PHC1: variants seen among roughly 807,000 people sequenced by gnomAD.
PHC1 encodes polyhomeotic homolog 1.
PHC1 carries 12 observed loss-of-function variants against 104.3 expected under a neutral mutation model. The observed-to-expected ratio is 0.12, with a 90% CI of 0.07 to 0.19. PHC1 has a LOEUF of 0.19. PHC1 is among the 10% of genes least tolerant of loss of function. The pLI is 1.00. For synonymous variants in PHC1, 302 were observed against 455.8 expected, an observed-to-expected ratio of 0.66 and a Z score of 4.30; for missense variants, 671 against 1,200.0, an observed-to-expected ratio of 0.56 and a Z score of 6.51.
chr12:8,937,370 T>G, intron 13 of PHC1, 44 bp downstream of exon 13: 5 of 1,517,484 alleles, frequency 3.3e-6, no homozygotes, highest in Non-Finnish European at 4.4e-6. Flanking sequence ...AACTGGGTCT[T>G]TTTTTCTTTC....
intron 5 of PHC1, among the ~76,000 whole-genome samples, chr12:8,922,385 T>A (rs1945390190): frequency 6.6e-6 from 1 of 152,240 alleles, no homozygotes. Context: ...TCTAAAATCC[T>A]AATTTTCTCT....
intron 1 of PHC1, among the ~76,000 whole-genome samples, chr12:8,916,942 G>A (rs977333396): frequency 1.3e-5 from 2 of 152,166 alleles, no homozygotes; most frequent in African/African-American, 4.8e-5. Context: ...CCCACTGAAT[G>A]TGTCTGTATC....
chr12:8,914,461 G>T (rs1006552150), upstream of PHC1: 8 of 148,968 alleles, frequency 5.4e-5, no homozygotes, highest in Non-Finnish European at 9.0e-5. Flanking sequence ...GGACGGCGGG[G>T]GGGGGGTCCG....
chr12:8,935,259 T>A, intron 11 of PHC1, 21 bp downstream of exon 11: 1 of 1,309,208 alleles, frequency 7.6e-7, no homozygotes, highest in Non-Finnish European at 1.1e-6. Context: ...ATTTAGAGAC[T>A]CATTTGGGGG....
intron 10 of PHC1, 49 bp from the exon 11 acceptor site, chr12:8,935,075 A>G (rs1184456838): frequency 1.1e-6 from 1 of 919,490 alleles, no homozygotes. Context: ...AGCTATAGAG[A>G]AGCAGAAGGG....
chr12:8,934,080 A>G, intron 9 of PHC1, 68 bp downstream of exon 9: 1 of 1,560,992 alleles, frequency 6.4e-7, no homozygotes, highest in Non-Finnish European at 8.8e-7. Flanking sequence ...GTGAGCTAAA[A>G]GATAAAACTG....
intron 2 of PHC1, among the ~76,000 whole-genome samples, chr12:8,918,707 T>C (rs766696865): frequency 4.6e-5 from 7 of 152,352 alleles, no homozygotes; most frequent in Non-Finnish European, 8.8e-5. Flanking sequence ...ATGGCATGTA[T>C]TTCCAGCTCC....
At chr12:8,922,841 T>A in intron 6 of PHC1, 53 bp downstream of exon 6, 3 of 1,541,520 alleles carry the variant, frequency 1.9e-6, no homozygotes, top group Non-Finnish European at 2.7e-6. Flanking sequence ...ATGAAGGGAA[T>A]GACCACGGAC....
In PHC1 at chr12:8,923,106, T is replaced by C. The variant is rs1394744567; in HGVS notation, c.612+318T>C. Among the ~76,000 whole-genome samples the C allele has an allele frequency of 2.6e-5, 4 of 152,344 alleles. No homozygotes were observed. In the East Asian group the frequency reaches 7.7e-4, roughly 29 times the overall value. On this transcript the variant is annotated intron_variant, in intron 6 of 14. Coordinates refer to ENST00000544916, the MANE Select transcript of PHC1 (RefSeq NM_004426.3). ...TATTCGGAGAGTCTTAATTCTCTCA[T>C]AGTACTGTCAGAAGAGAAGAGATTG...
chr12:8,916,618 A>G (rs1945209313), intron 1 of PHC1, among the ~76,000 whole-genome samples: 1 of 152,024 alleles, frequency 6.6e-6, no homozygotes, highest in South Asian at 2.1e-4. Flanking sequence ...GTGTTTTCAT[A>G]TGTGTCTTTT....
chr12:8,933,947 T>C lies in PHC1; in HGVS notation c.1976T>C (p.Leu659Pro). 4 of 1,613,768 alleles carry C rather than the reference T, an allele frequency of 2.5e-6. No individual in the cohort carries two copies. The highest frequency in any genetic ancestry group is 3.4e-6 in the Non-Finnish European group (4 of 1,179,610). ...RDDVSTLGSM[L>P]PAKASPVAES... is the part of the protein sequence containing the mutation. ...GATGTCTCCACATTGGGTTCAATGC[T>C]TCCTGCCAAGGCATCTCCAGTAGCA... is the stretch of plus-strand genomic sequence containing the variant. Residue 659 changes from leucine (L) to proline (P), a missense_variant, in exon 9 of 15, where the codon CTT becomes CCT. This residue lies in a region of PHC1 where 95 missense variants were observed against 108.8 expected (regional missense o/e 0.87). Coordinates refer to ENST00000544916, the MANE Select transcript of PHC1 (RefSeq NM_004426.3).
intron 9 of PHC1, 64 bp downstream of exon 9, chr12:8,934,076 T>C (rs572445342): frequency 1.0e-4 from 163 of 1,567,200 alleles, no homozygotes; most frequent in Non-Finnish European, 1.3e-4. Context: ...CTGAGTGAGC[T>C]AAAAGATAAA....
intron 4 of PHC1, 92 bp downstream of exon 4, chr12:8,921,157 T>G (rs1945351486): frequency 2.1e-6 from 2 of 950,738 alleles, no homozygotes; most frequent in African/African-American, 3.3e-5. Context: ...AGAGTGTTTA[T>G]TGAGCCGTCA....
intron 4 of PHC1, 35 bp downstream of exon 4, chr12:8,921,100 A>G (rs1432187492): frequency 1.8e-5 from 27 of 1,493,476 alleles, no homozygotes; most frequent in Non-Finnish European, 2.5e-5. Flanking sequence ...AGGCTTCTCT[A>G]CCTGGGTCTT....
In PHC1 at chr12:8,927,314, T is replaced by G. The variant is rs779956456; in HGVS notation, c.613-3121T>G. Among the ~76,000 whole-genome samples the G allele has an allele frequency of 3.9e-5, 6 of 152,200 alleles. No individual in the cohort carries two copies. The South Asian group carries it at 8.3e-4, about 21-fold the overall frequency. On this transcript the variant is annotated intron_variant, in intron 6 of 14. Transcript: ENST00000544916. Reference sequence around the variant, plus strand: ...TGAATACAGTGACTGTAAACAGCTATTAAGAGTTTAGCAGCACCAGGAAAG... The same window carrying G: ...TGAATACAGTGACTGTAAACAGCTAGTAAGAGTTTAGCAGCACCAGGAAAG...
chr12:8,921,659 C>T lies in PHC1; in HGVS notation c.365C>T (p.Ser122Phe). The change falls in exon 5 of 15, where the codon TCT (serine) becomes TTT (phenylalanine). Residue 122 changes from serine (S) to phenylalanine (F), a missense_variant. Ser to Phe is a radical substitution (Grantham distance 155). Transcript: ENST00000544916. ...QLISRSQSVS[S>F]PSATTLTQSV... ...ATCAGCCGATCCCAGAGTGTGAGCT[C>T]TCCCAGTGCTACCACCTTGACCCAA... 9 of 1,613,644 alleles carry T rather than the reference C, an allele frequency of 5.6e-6. No homozygotes were observed. Among genetic ancestry groups the T allele is most frequent in the Non-Finnish European group, 6.8e-6 (8 of 1,179,652 alleles).
chr12:8,932,154 G>C (rs1301512480), intron 7 of PHC1, among the ~76,000 whole-genome samples: 1 of 152,230 alleles, frequency 6.6e-6, no homozygotes, highest in Non-Finnish European at 1.5e-5. Context: ...GCCCTGGGCT[G>C]TGTTTTAGGG....
At chr12:8,914,236 G>A (rs533033854), upstream of PHC1, among the ~76,000 whole-genome samples, 5 of 151,992 alleles carry the variant, frequency 3.3e-5, no homozygotes, top group Non-Finnish European at 7.4e-5. Flanking sequence ...CCCCACTAGA[G>A]GCCAGCACTT....
chr12:8,932,532 T>C (rs770443627), intron 7 of PHC1, 31 bp from the exon 8 acceptor site: 2 of 1,600,512 alleles, frequency 1.2e-6, no homozygotes, highest in South Asian at 2.2e-5. Context: ...CTCTTTTTTC[T>C]CTCTGTTGTA....
Sources: gnomAD v4.1 joint callset for allele counts (sites outside exome capture counted in the v4.1 genomes callset) on GRCh38, gnomAD v4.1.1 for gene constraint, gnomAD v4.1.1 regional missense constraint, MANE v1.5 for transcripts, NCBI Gene and HGNC (gene_info 2026-07-23, HGNC 2026-07-21) for gene names.